The following ZNF782 variants were observed in gnomAD, a reference collection of about 807,000 sequenced individuals.
The protein encoded by ZNF782 is zinc finger protein 782.
In ZNF782, 12 loss-of-function variants were observed where a neutral mutation model predicts 13.0. That is an observed-to-expected ratio of 0.92 (90% CI 0.59 to 1.50). The LOEUF (loss-of-function observed/expected upper bound fraction) is 1.50, where lower values mean the gene tolerates loss of function less well. Ranked by LOEUF, ZNF782 falls within the 40% of genes most tolerant of loss-of-function variation. ZNF782 has a pLI of 0.00. For missense variants in ZNF782, 770 were observed against 822.9 expected, an observed-to-expected ratio of 0.94 and a Z score of 0.79; for synonymous variants, 284 against 283.0, an observed-to-expected ratio of 1.00 and a Z score of -0.04.
chr9:96,921,610 C>T, the ZNF782 span, among the ~76,000 whole-genome samples: 3 of 150,174 alleles, frequency 2.0e-5, no homozygotes, highest in Admixed American at 6.7e-5. Context: ...CCTCTAATCC[C>T]AGCACTTTGG....
At chr9:96,921,317 G>A in the ZNF782 span, among the ~76,000 whole-genome samples, 99 of 133,458 alleles carry the variant, frequency 7.4e-4, 1 homozygote, top group African/African-American at 2.7e-3. Flanking sequence ...GGCAGATCAC[G>A]AGGTCAGGAG....
At position 96,824,919 on chromosome 9, in the gene ZNF782, T is replaced by C. The variant is rs1262763064; in HGVS notation, c.244+2161A>G. ...GGAAATAAAAGAGGATACAAACAAA[T>C]GGAAGAACATTCCATGCTCATGGGT... On this transcript the variant is annotated intron_variant, in intron 5 of 5. Coordinates refer to ENST00000481138, the MANE Select transcript of ZNF782 (RefSeq NM_001001662.3). Among the ~76,000 whole-genome samples the C allele has an allele frequency of 1.3e-3, 202 of 151,624 alleles. 2 individuals are homozygous for C. Among genetic ancestry groups the C allele is most frequent in the African/African-American group, 4.6e-3 (190 of 41,284 alleles).
chr9:96,880,867 T>C, the ZNF782 span, among the ~76,000 whole-genome samples: 2 of 152,186 alleles, frequency 1.3e-5, no homozygotes, highest in Non-Finnish European at 2.9e-5. Context: ...TGTCATTTCA[T>C]CTTTAAAAGT....
At chr9:96,880,136 C>T (rs547881524), upstream of ZNF782, among the ~76,000 whole-genome samples, 2 of 151,066 alleles carry the variant, frequency 1.3e-5, no homozygotes, top group African/African-American at 4.9e-5. Context: ...GTTGGCTTTG[C>T]ATTTTGTGAT....
chr9:96,875,758 T>C (rs997883517), upstream of ZNF782: 1 of 366,634 alleles, frequency 2.7e-6, no homozygotes, highest in Non-Finnish European at 5.4e-6. Flanking sequence ...CACTAGAAGT[T>C]GACAGGCTGT....
the ZNF782 span, among the ~76,000 whole-genome samples, chr9:96,884,783 A>T: frequency 6.6e-6 from 1 of 152,200 alleles, no homozygotes; most frequent in Admixed American, 6.5e-5. Context: ...AAGCTGAACA[A>T]ACACACCCAC....
At chr9:96,928,063 C>T in the ZNF782 span, among the ~76,000 whole-genome samples, 1 of 148,436 alleles carries the variant, frequency 6.7e-6, no homozygotes, top group Non-Finnish European at 1.5e-5. Flanking sequence ...TCAGGTAACA[C>T]CTATTTCCTC....
At chr9:96,891,362 A>G in the ZNF782 span, 15 of 152,318 alleles carry the variant, frequency 9.8e-5, no homozygotes, top group Middle Eastern at 6.8e-3. Context: ...TAGCATGCGT[A>G]TATTTGTTCA....
At chr9:96,909,833 C>T in the ZNF782 span, among the ~76,000 whole-genome samples, 9,208 of 134,194 alleles carry the variant, frequency 0.069, 336 homozygotes, top group East Asian at 0.44. Context: ...AAGCATTCAG[C>T]TGAAAATAAA....
chr9:96,841,431 A>G (rs1211960306), intron 4 of ZNF782, among the ~76,000 whole-genome samples: 1 of 151,988 alleles, frequency 6.6e-6, no homozygotes, highest in Non-Finnish European at 1.5e-5. Flanking sequence ...CAAAGGCAGT[A>G]CAAAACTACA....
upstream of ZNF782, among the ~76,000 whole-genome samples, chr9:96,879,155 T>C (rs772483661): frequency 4.8e-4 from 73 of 152,124 alleles, no homozygotes; most frequent in Non-Finnish European, 8.1e-4. Context: ...ATAAAAGAGA[T>C]AAAAATCCTC....
At chr9:96,924,055 T>TG in the ZNF782 span, among the ~76,000 whole-genome samples, 1 of 151,996 alleles carries the variant, frequency 6.6e-6, no homozygotes, top group African/African-American at 2.4e-5. Flanking sequence ...AGGCTGGTCT[T>TG]GAACTCCTGA....
chr9:96,855,989 C>A (rs1386615670), upstream of ZNF782, among the ~76,000 whole-genome samples: 2 of 152,072 alleles, frequency 1.3e-5, no homozygotes, highest in African/African-American at 4.8e-5. Flanking sequence ...TTTCTCTTAT[C>A]ATTAGTGATG....
chr9:96,922,994 T>C, the ZNF782 span, among the ~76,000 whole-genome samples: 1 of 147,130 alleles, frequency 6.8e-6, no homozygotes, highest in South Asian at 2.3e-4. Flanking sequence ...AATAACCATA[T>C]CACATACCTC....
intron 5 of ZNF782, among the ~76,000 whole-genome samples, chr9:96,820,341 C>A (rs890444816): frequency 2.6e-5 from 4 of 152,142 alleles, no homozygotes; most frequent in Admixed American, 6.5e-5. Context: ...TATAATGACA[C>A]CAATTTCCTC....
intron 5 of ZNF782, 88 bp from the exon 6 acceptor site, chr9:96,819,866 G>T: frequency 1.9e-6 from 2 of 1,034,608 alleles, no homozygotes; most frequent in Non-Finnish European, 2.6e-6. Context: ...GCCCTATTAT[G>T]TATTTGATTC....
At chr9:96,882,084 A>G in the ZNF782 span, among the ~76,000 whole-genome samples, 3 of 152,120 alleles carry the variant, frequency 2.0e-5, no homozygotes, top group East Asian at 1.9e-4. Flanking sequence ...TATTTTTAAT[A>G]CAAGTGTTCA....
upstream of ZNF782, among the ~76,000 whole-genome samples, chr9:96,856,658 T>G (rs186833616): frequency 6.6e-6 from 1 of 152,368 alleles, no homozygotes; most frequent in African/African-American, 2.4e-5. Context: ...TGCAAAACCT[T>G]CTGGCCTTCC....
the ZNF782 span, chr9:96,929,152 C>A: frequency 6.4e-7 from 1 of 1,563,832 alleles, no homozygotes; most frequent in South Asian, 1.1e-5. Flanking sequence ...TGAGGGAGCA[C>A]TGGATGTCCC....
Sources: allele counts gnomAD v4.1 joint callset (sites outside exome capture counted in the v4.1 genomes callset), GRCh38; gene constraint gnomAD v4.1.1; transcripts MANE v1.5; gene names NCBI Gene and HGNC (gene_info 2026-07-23, HGNC 2026-07-21).